The following CPT1A variants were observed in gnomAD, a reference collection of about 807,000 sequenced individuals.
CPT1A encodes the protein carnitine palmitoyltransferase 1A, also known as carnitine O-palmitoyltransferase 1, liver isoform.
CPT1A carries 64 observed loss-of-function variants against 100.8 expected under a neutral mutation model. The observed-to-expected ratio is 0.63, with a 90% CI of 0.52 to 0.78. CPT1A has a LOEUF of 0.78. CPT1A is among the 30% of genes least tolerant of loss of function. The pLI, the probability that CPT1A is intolerant of heterozygous loss-of-function variation, is 0.00. For missense variants in CPT1A, 802 were observed against 1,034.1 expected, an observed-to-expected ratio of 0.78 and a Z score of 3.08; for synonymous variants, 363 against 396.0, an observed-to-expected ratio of 0.92 and a Z score of 0.99.
chr11:68,786,570 GC>G (rs1240680623), intron 9 of CPT1A, among the ~76,000 whole-genome samples: 1 of 152,104 alleles, frequency 6.6e-6, no homozygotes, highest in Non-Finnish European at 1.5e-5. Context: ...CGCTCTTATT[GC>G]CCAGGCTGGA....
At position 68,755,706 on chromosome 11, in the gene CPT1A, G is replaced by A. The variant is rs1351590506; in HGVS notation, c.*1938C>T. On this transcript the variant is annotated 3_prime_UTR_variant, in exon 19 of 19. Coordinates refer to ENST00000265641, the MANE Select transcript of CPT1A (RefSeq NM_001876.4). ...TTACACGCATGAGCCACCGCGCCTGGACGCTTTTTTTTTTTTTTTTGTCTT... is the reference window on the plus strand; with the variant it reads ...TTACACGCATGAGCCACCGCGCCTGAACGCTTTTTTTTTTTTTTTTGTCTT... The A allele has an allele frequency of 8.8e-6, 1 of 113,544 alleles. No individual in the cohort carries two copies. The highest frequency in any genetic ancestry group is 3.1e-5 in the African/African-American group (1 of 32,658). 7.0% of individuals were successfully genotyped at this position (113,544 alleles called of 1,614,324 possible).
upstream of CPT1A, among the ~76,000 whole-genome samples, chr11:68,842,284 C>T (rs1287889478): frequency 6.6e-6 from 1 of 152,070 alleles, no homozygotes; most frequent in Non-Finnish European, 1.5e-5. Flanking sequence ...GGTCGCGGGC[C>T]AGGAAATAAG....
chr11:68,797,974 C>T (rs1172550194), intron 6 of CPT1A, among the ~76,000 whole-genome samples: 2 of 152,162 alleles, frequency 1.3e-5, no homozygotes, highest in African/African-American at 4.8e-5. Context: ...GAGACTTTGT[C>T]TCAGAAACTA....
intron 1 of CPT1A, among the ~76,000 whole-genome samples, chr11:68,835,964 T>C (rs907181893): frequency 1.3e-5 from 2 of 152,346 alleles, no homozygotes; most frequent in East Asian, 1.9e-4. Context: ...ACACGTTCTT[T>C]GTCCCTTTCC....
At chr11:68,824,181 G>A (rs1856662753) in intron 1 of CPT1A, among the ~76,000 whole-genome samples, 1 of 151,106 alleles carries the variant, frequency 6.6e-6, no homozygotes, top group African/African-American at 2.4e-5. Flanking sequence ...CTGGGAGGCG[G>A]AGGTTGCAGT....
At chr11:68,814,141 A>C (rs1856308024) in intron 2 of CPT1A, among the ~76,000 whole-genome samples, 1 of 152,102 alleles carries the variant, frequency 6.6e-6, no homozygotes, top group Non-Finnish European at 1.5e-5. Flanking sequence ...CCTAGTTTGC[A>C]TGTTTTCAAA....
chr11:68,791,282 C>G (rs1855605825), intron 9 of CPT1A, among the ~76,000 whole-genome samples: 2 of 152,206 alleles, frequency 1.3e-5, no homozygotes, highest in African/African-American at 2.4e-5. Context: ...TGACCCACTT[C>G]CCTTTGGGGA....
Position 68,773,396 on chromosome 11 carries a change from C to T in CPT1A, c.1609G>A (p.Ala537Thr), listed in dbSNP as rs1855050364. Residue 537 changes from alanine to threonine, a missense_variant, in exon 14 of 19, where the codon GCA becomes ACA. By Grantham distance (58) the Ala-to-Thr change is moderately conservative. This residue lies in a region of CPT1A where 627 missense variants were observed against 799.3 expected (regional missense o/e 0.78). Coordinates refer to ENST00000265641, the MANE Select transcript of CPT1A (RefSeq NM_001876.4). The stretch of plus-strand genomic sequence containing the variant: ...TCCACGTCGTTTGCCAGAAGATTTG[C>T]GGTGTTCAGGGAGGTCTCTATAACC... ...QEVIETSLNT[A>T]NLLANDVDFH... 6.2e-7 allele frequency: 1 copy of T among 1,613,884 alleles called. No individual in the cohort carries two copies. The highest frequency in any genetic ancestry group is 1.3e-5 in the African/African-American group (1 of 74,874).
chr11:68,759,835 C>T lies in CPT1A; in HGVS notation c.2143-174G>A, dbSNP rs7943886. ...TTGAGCCCAGGGGTTCGAGACCAGCCCGGACAACATGGTGAAACCCTGTCT... is the reference window on the plus strand; with the variant it reads ...TTGAGCCCAGGGGTTCGAGACCAGCTCGGACAACATGGTGAAACCCTGTCT... On this transcript the variant is annotated intron_variant, in intron 17 of 18. Coordinates refer to ENST00000265641, the MANE Select transcript of CPT1A (RefSeq NM_001876.4). Among the ~76,000 whole-genome samples the T allele has an allele frequency of 3.4e-3, 519 of 151,514 alleles. 4 individuals carry two copies. The highest frequency in any genetic ancestry group is 0.012 in the African/African-American group (477 of 41,374).
chr11:68,834,098 A>C (rs1307249607), intron 1 of CPT1A, among the ~76,000 whole-genome samples: 2 of 152,222 alleles, frequency 1.3e-5, no homozygotes, highest in Non-Finnish European at 2.9e-5. Flanking sequence ...ATCATAATGG[A>C]CTATTCACAT....
At chr11:68,836,594 G>A (rs1405826818) in intron 1 of CPT1A, among the ~76,000 whole-genome samples, 1 of 152,028 alleles carries the variant, frequency 6.6e-6, no homozygotes, top group Non-Finnish European at 1.5e-5. Context: ...CCAACATGGT[G>A]AAACTCATCT....
Position 68,773,380 on chromosome 11 carries a change from T to A in CPT1A, c.1625A>T (p.Asn542Ile). The change falls in exon 14 of 19, where the codon AAC becomes ATC. Residue 542 changes from asparagine (N) to isoleucine (I), a missense_variant. By Grantham distance (149) the Asn-to-Ile change is moderately radical. Transcript: ENST00000265641. ...TGGGAAGGAATGGAAATCCACGTCG[T>A]TTGCCAGAAGATTTGCGGTGTTCAG... ...TSLNTANLLANDVDFHSFPFV... is the reference protein window; with the variant it reads ...TSLNTANLLAIDVDFHSFPFV... 1 of 1,614,184 alleles carries A rather than the reference T, an allele frequency of 6.2e-7. No individual in the cohort carries two copies. The highest frequency in any genetic ancestry group is 8.5e-7 in the Non-Finnish European group (1 of 1,180,024).
intron 14 of CPT1A, among the ~76,000 whole-genome samples, chr11:68,767,493 G>A (rs1295344941): frequency 1.3e-5 from 2 of 152,164 alleles, no homozygotes; most frequent in African/African-American, 4.8e-5. Context: ...GGAGACTGAG[G>A]TGGGAGGATC....
intron 9 of CPT1A, among the ~76,000 whole-genome samples, chr11:68,793,077 C>T (rs926963227): frequency 2.0e-5 from 3 of 152,042 alleles, no homozygotes; most frequent in Non-Finnish European, 4.4e-5. Flanking sequence ...ATAAATCAAA[C>T]ACTCTATGAG....
chr11:68,840,153 G>A (rs561678544), intron 1 of CPT1A, among the ~76,000 whole-genome samples: 29 of 152,326 alleles, frequency 1.9e-4, no homozygotes, highest in Non-Finnish European at 3.5e-4. Context: ...AGAACCAGCT[G>A]CGAATGCTGA....
intron 1 of CPT1A, among the ~76,000 whole-genome samples, chr11:68,826,288 A>C (rs891718595): frequency 3.3e-5 from 5 of 152,076 alleles, no homozygotes; most frequent in African/African-American, 1.2e-4. Context: ...ACTACTAAAA[A>C]TACAAAAATT....
At chr11:68,782,338 A>G (rs1164231287) in intron 10 of CPT1A, among the ~76,000 whole-genome samples, 2 of 152,188 alleles carry the variant, frequency 1.3e-5, no homozygotes, top group African/African-American at 2.4e-5. Context: ...CCCAGGTCAC[A>G]GTAAGTGCGT....
At position 68,775,426 on chromosome 11, in the gene CPT1A, T is replaced by C. The variant is rs1027117038; in HGVS notation, c.1465A>G (p.Met489Val). 42 of 1,612,348 alleles carry C rather than the reference T, an allele frequency of 2.6e-5. No individual in the cohort carries two copies. Among genetic ancestry groups the C allele is most frequent in the Non-Finnish European group, 3.4e-5 (40 of 1,178,422 alleles). The change falls in exon 13 of 19, where the codon ATG becomes GTG. Residue 489 changes from methionine to valine, a missense_variant. This residue lies in a region of CPT1A where 627 missense variants were observed against 799.3 expected (regional missense o/e 0.78). Transcript: ENST00000265641. ...PIVAHLWEYV[M>V]SIDSLQLGYA... ...CCCAGCTGGAGGCTGTCAATGGACATGACGTACTGTCAAAAATAGAACAAA... is the reference window on the plus strand; with the variant it reads ...CCCAGCTGGAGGCTGTCAATGGACACGACGTACTGTCAAAAATAGAACAAA...
At chr11:68,802,048 C>T (rs549384666) in intron 5 of CPT1A, among the ~76,000 whole-genome samples, 3 of 152,158 alleles carry the variant, frequency 2.0e-5, no homozygotes, top group Admixed American at 6.5e-5. Context: ...TCCATTTATG[C>T]GAAATGTCCA....
Sources: allele counts gnomAD v4.1 joint callset (sites outside exome capture counted in the v4.1 genomes callset), GRCh38; gene constraint gnomAD v4.1.1; regional missense constraint gnomAD v4.1.1; transcripts MANE v1.5; gene names NCBI Gene and HGNC (gene_info 2026-07-23, HGNC 2026-07-21).